The following TSHR variants were observed in gnomAD, a reference collection of about 807,000 sequenced individuals.
The protein encoded by TSHR is thyrotropin receptor.
TSHR carries 51 observed loss-of-function variants against 64.1 expected under a neutral mutation model. The observed-to-expected ratio is 0.80, with a 90% CI of 0.64 to 1.01. TSHR has a LOEUF of 1.01. TSHR is among the 50% of genes least tolerant of loss of function. TSHR has a pLI of 0.00. For missense variants in TSHR, 877 were observed against 942.8 expected (o/e 0.93, Z 0.91); for synonymous variants, 361 against 361.9 (o/e 1.00, Z 0.03).
chr14:81,075,858 T>C (rs1003798822), intron 3 of TSHR, among the ~76,000 whole-genome samples: 2 of 152,006 alleles, frequency 1.3e-5, no homozygotes, highest in African/African-American at 4.8e-5. Flanking sequence ...ATGTTTATTG[T>C]GACATTATTC....
chr14:81,000,389 G>A (rs184502191), intron 1 of TSHR, among the ~76,000 whole-genome samples: 8 of 151,958 alleles, frequency 5.3e-5, no homozygotes, highest in Non-Finnish European at 1.0e-4. Context: ...GATCACTGCT[G>A]GGAACACCAG....
rs1888551711 is a variant in TSHR at position 80,987,926 on chromosome 14, A to G, written c.170+32076A>G. Among the ~76,000 whole-genome samples, 3 of 152,170 alleles carry G rather than the reference A, an allele frequency of 2.0e-5. No homozygotes were observed. In the South Asian group the frequency reaches 6.2e-4, roughly 32 times the overall value. ...CCCAACACTTTATTCTAAGAACTTG[A>G]AATTCTATTAGAAATTATCTACTCT... On this transcript the variant is annotated intron_variant, in intron 1 of 9. Transcript: ENST00000298171.
rs1308113901 is a variant in TSHR at position 81,073,044 on chromosome 14, A to G, written c.317+4716A>G. On this transcript the variant is annotated intron_variant, in intron 3 of 9. Transcript: ENST00000298171. ...TAAATATATATATATATATATATAT[A>G]TATATAAAATGCACACAGTAACTAA... Among the ~76,000 whole-genome samples the G allele has an allele frequency of 3.0e-3, 407 of 136,910 alleles. 7 individuals carry two copies. The highest frequency in any genetic ancestry group is 5.0e-3 in the Non-Finnish European group (320 of 64,278). The allele number at this position is 136,910 out of a possible 152,430, so 89.8% of individuals were successfully genotyped here. A position where few individuals can be genotyped will look rare whatever the true frequency, so the allele number is the denominator to read the frequency against.
chr14:81,109,599 C>A (rs529503760), intron 8 of TSHR, among the ~76,000 whole-genome samples: 6 of 152,122 alleles, frequency 3.9e-5, no homozygotes, highest in Admixed American at 6.6e-5. Flanking sequence ...CCTCAGGTGT[C>A]AGGTAGGGGT....
rs574619307 is a variant in TSHR, at chr14:81,128,323, G to A, written c.693-11356G>A. On this transcript the variant is annotated intron_variant, in intron 8 of 9. Transcript: ENST00000298171. Reference sequence around the variant, plus strand: ...TAACAAATAAGGAAACTGGTGCAGAGATATCAGGTAAGTCCCCCGAGGTCA... The same window carrying A: ...TAACAAATAAGGAAACTGGTGCAGAAATATCAGGTAAGTCCCCCGAGGTCA... 1.1e-4 allele frequency among the ~76,000 whole-genome samples: 16 copies of A among 152,254 alleles called. No individual in the cohort carries two copies. The South Asian group carries it at 1.2e-3, about 12-fold the overall frequency.
chr14:81,012,185 G>C (rs1347708529), intron 1 of TSHR: 1 of 150,184 alleles, frequency 6.7e-6, no homozygotes, highest in Non-Finnish European at 1.5e-5. Flanking sequence ...GTGAGAATAT[G>C]CGGTGTTTGG....
At chr14:81,129,171 A>G (rs1268237615) in intron 8 of TSHR, among the ~76,000 whole-genome samples, 1 of 152,150 alleles carries the variant, frequency 6.6e-6, no homozygotes, top group Non-Finnish European at 1.5e-5. Flanking sequence ...ATGACCAATG[A>G]CTACAAAGCC....
chr14:81,076,315 G>A (rs1368449924), intron 3 of TSHR, among the ~76,000 whole-genome samples: 2 of 151,846 alleles, frequency 1.3e-5, no homozygotes, highest in Non-Finnish European at 2.9e-5. Context: ...TATAATTATT[G>A]GGCTTTCATA....
At chr14:81,046,479 C>G (rs1885171592) in intron 1 of TSHR, among the ~76,000 whole-genome samples, 1 of 149,202 alleles carries the variant, frequency 6.7e-6, no homozygotes, top group South Asian at 2.1e-4. Flanking sequence ...AGAAACTAGC[C>G]AAAATTAAGC....
intron 1 of TSHR, among the ~76,000 whole-genome samples, chr14:81,048,264 T>C (rs922198602): frequency 6.6e-6 from 1 of 152,192 alleles, no homozygotes; most frequent in African/African-American, 2.4e-5. Flanking sequence ...AGTTTTTTCA[T>C]GGGGACTTCT....
chr14:81,066,210 C>T (rs1322682925), intron 2 of TSHR, among the ~76,000 whole-genome samples: 2 of 152,230 alleles, frequency 1.3e-5, no homozygotes, highest in African/African-American at 2.4e-5. Context: ...TTGAGAAAGA[C>T]TCATACTTCT....
chr14:81,018,148 TC>T (rs1883527177), intron 1 of TSHR, among the ~76,000 whole-genome samples: 1 of 152,170 alleles, frequency 6.6e-6, no homozygotes, highest in Non-Finnish European at 1.5e-5. Context: ...GGCTTTTCTT[TC>T]TCTTTAGCCC....
chr14:81,144,561 A>T lies in TSHR; in HGVS notation c.*208A>T. 1 of 609,906 alleles carries T rather than the reference A, an allele frequency of 1.6e-6. No individual in the cohort carries two copies. Among genetic ancestry groups the T allele is most frequent in the Non-Finnish European group, 2.9e-6 (1 of 348,788 alleles). The allele number at this position is 609,906 out of a possible 1,614,324, so 37.8% of individuals were successfully genotyped here. On this transcript the variant is annotated 3_prime_UTR_variant, in exon 10 of 10. Coordinates refer to ENST00000298171, the MANE Select transcript of TSHR (RefSeq NM_000369.5). ...CCCCCAAGAAGGAAGTTAGGCTACC[A>T]GCATATTTGAATGCCAGGTGAAATC...
intron 3 of TSHR, among the ~76,000 whole-genome samples, chr14:81,077,887 C>T (rs1887613903): frequency 6.6e-6 from 1 of 152,028 alleles, no homozygotes; most frequent in South Asian, 2.1e-4. Context: ...TGACATGCAT[C>T]CTTAACTTAT....
intron 1 of TSHR, chr14:81,050,332 C>A (rs765188583): frequency 6.6e-6 from 1 of 152,182 alleles, no homozygotes; most frequent in Non-Finnish European, 1.5e-5. Context: ...CAATACTATG[C>A]TCTCTTAGCC....
chr14:81,108,741 C>G, intron 8 of TSHR: 1 of 1,611,362 alleles, frequency 6.2e-7, no homozygotes. Flanking sequence ...CATGGAGCAG[C>G]TGCTGTTTGA....
At chr14:81,009,378 C>A (rs1704393179) in intron 1 of TSHR, among the ~76,000 whole-genome samples, 1 of 152,098 alleles carries the variant, frequency 6.6e-6, no homozygotes, top group African/African-American at 2.4e-5. Context: ...TTAAAATGCA[C>A]AAAGATACAC....
intron 1 of TSHR, chr14:80,983,179 A>G: frequency 9.2e-7 from 1 of 1,086,382 alleles, no homozygotes; most frequent in East Asian, 2.4e-5. Flanking sequence ...CCTTCTGGGG[A>G]TGAAAGACAA....
At chr14:80,971,035 G>A (rs1226450295) in intron 1 of TSHR, among the ~76,000 whole-genome samples, 5 of 152,112 alleles carry the variant, frequency 3.3e-5, no homozygotes, top group Non-Finnish European at 7.4e-5. Context: ...GGGTGGCCAG[G>A]TTGGTCTTGA....
Sources: gnomAD v4.1 joint callset for allele counts (sites outside exome capture counted in the v4.1 genomes callset) on GRCh38, gnomAD v4.1.1 for gene constraint, MANE v1.5 for transcripts, NCBI Gene and HGNC (gene_info 2026-07-23, HGNC 2026-07-21) for gene names.